Variants in RAB7A observed in about 807,000 individuals in gnomAD.
RAB7A encodes the protein RAB7A, member RAS oncogene family.
A neutral mutation model predicts 24.5 loss-of-function variants in RAB7A; 2 were observed. The observed-to-expected ratio is 0.08, with a 90% confidence interval of 0.03 to 0.26. The LOEUF is 0.26. Ranked by LOEUF, RAB7A falls within the 10% of genes least tolerant of loss-of-function variation. The pLI is 1.00. For synonymous variants in RAB7A, 100 were observed against 95.9 expected, an observed-to-expected ratio of 1.04 and a Z score of -0.25; for missense variants, 118 against 255.7, an observed-to-expected ratio of 0.46 and a Z score of 3.67.
intron 1 of RAB7A, among the ~76,000 whole-genome samples, chr3:128,787,424 C>T (rs558548380): frequency 6.6e-6 from 1 of 152,250 alleles, no homozygotes; most frequent in East Asian, 1.9e-4. Context: ...CCATAAAAGA[C>T]TTGTTAAAAG....
chr3:128,734,328 G>T (rs1006678227), intron 1 of RAB7A, among the ~76,000 whole-genome samples: 1 of 151,948 alleles, frequency 6.6e-6, no homozygotes, highest in East Asian at 1.9e-4. Context: ...CTACTTGGGA[G>T]GCTGAGACAT....
At chr3:128,767,147 G>A (rs1371073172) in intron 1 of RAB7A, among the ~76,000 whole-genome samples, 1 of 152,124 alleles carries the variant, frequency 6.6e-6, no homozygotes, top group Non-Finnish European at 1.5e-5. Context: ...AATCCGAGTG[G>A]CTCAGCCTCT....
chr3:128,755,560 A>G (rs1277156060), intron 1 of RAB7A, among the ~76,000 whole-genome samples: 1 of 152,220 alleles, frequency 6.6e-6, no homozygotes, highest in African/African-American at 2.4e-5. Context: ...GAAAAGACTA[A>G]CAAAATTGAC....
chr3:128,789,791 CTTT>C (rs1214389169), intron 1 of RAB7A, among the ~76,000 whole-genome samples: 4 of 133,444 alleles, frequency 3.0e-5, no homozygotes. Context: ...TTGTTCCTGG[CTTT>C]TTTTTTTTTT....
chr3:128,745,064 CAG>C (rs2070597623), intron 1 of RAB7A, among the ~76,000 whole-genome samples: 1 of 151,880 alleles, frequency 6.6e-6, no homozygotes, highest in South Asian at 2.1e-4. Flanking sequence ...TTAGTAGAGA[CAG>C]GGTTTCACTG....
chr3:128,796,470 G>A (rs1933579957), intron 2 of RAB7A, among the ~76,000 whole-genome samples: 1 of 152,188 alleles, frequency 6.6e-6, no homozygotes, highest in Non-Finnish European at 1.5e-5. Flanking sequence ...AAAAGATTCT[G>A]TGGTAGGCTT....
chr3:128,754,421 C>T (rs903570534), intron 1 of RAB7A, among the ~76,000 whole-genome samples: 8 of 151,916 alleles, frequency 5.3e-5, no homozygotes, highest in African/African-American at 1.9e-4. Context: ...GTAGGATATA[C>T]ACAAAAGGAA....
intron 1 of RAB7A, among the ~76,000 whole-genome samples, chr3:128,740,224 TACA>T (rs1477016832): frequency 6.7e-6 from 1 of 149,192 alleles, no homozygotes; most frequent in Non-Finnish European, 1.5e-5. Context: ...CTAAAACAAA[TACA>T]ACAATTAGCT....
intron 1 of RAB7A, among the ~76,000 whole-genome samples, chr3:128,792,146 C>T (rs1055590617): frequency 2.6e-5 from 4 of 152,188 alleles, no homozygotes; most frequent in African/African-American, 9.7e-5. Flanking sequence ...GGTGGTCTCA[C>T]GGTCACTGCT....
chr3:128,758,262 GTTTGTTTT>G (rs998893610), intron 1 of RAB7A, among the ~76,000 whole-genome samples: 3 of 141,712 alleles, frequency 2.1e-5, no homozygotes, highest in African/African-American at 5.3e-5. Flanking sequence ...CCACCCCAGT[GTTTGTTTT>G]TTTGTTTTTT....
chr3:128,804,349 C>A (rs532503337), intron 3 of RAB7A, among the ~76,000 whole-genome samples: 3 of 152,344 alleles, frequency 2.0e-5, no homozygotes, highest in African/African-American at 7.2e-5. Flanking sequence ...AACTCCCACA[C>A]TGCTTTCAGA....
In RAB7A at chr3:128,742,987, G is replaced by A. The variant is rs370581643; in HGVS notation, c.-9+16628G>A. Among the ~76,000 whole-genome samples, 39 of 152,340 alleles carry A rather than the reference G, an allele frequency of 2.6e-4. 1 individual carries two copies. The highest frequency in any genetic ancestry group is 1.5e-3 in the East Asian group (8 of 5,168). On this transcript the variant is annotated intron_variant, in intron 1 of 5. Transcript: ENST00000265062. Reference sequence around the variant, plus strand: ...CGCTGCAGAGCAGGGGGCGGTGCCCGTCGGGGAGGCTCGGGCTTCACGGGA... The same window carrying A: ...CGCTGCAGAGCAGGGGGCGGTGCCCATCGGGGAGGCTCGGGCTTCACGGGA...
chr3:128,776,975 CA>C (rs1311841261), intron 1 of RAB7A, among the ~76,000 whole-genome samples: 4 of 151,946 alleles, frequency 2.6e-5, no homozygotes, highest in Non-Finnish European at 5.9e-5. Context: ...CACACACACA[CA>C]CACACACACA....
At chr3:128,788,246 C>G (rs973982107) in intron 1 of RAB7A, among the ~76,000 whole-genome samples, 3 of 152,088 alleles carry the variant, frequency 2.0e-5, no homozygotes, top group African/African-American at 7.2e-5. Flanking sequence ...TTTGGTTATG[C>G]CACAGAGAAG....
At chr3:128,811,365 T>C (rs900867935) in intron 5 of RAB7A, among the ~76,000 whole-genome samples, 5 of 152,170 alleles carry the variant, frequency 3.3e-5, no homozygotes, top group African/African-American at 9.7e-5. Context: ...TGTCACTATT[T>C]GTAATAGCCA....
chr3:128,764,887 C>T (rs978954514), intron 1 of RAB7A: 249 of 1,408,846 alleles, frequency 1.8e-4, no homozygotes, highest in Non-Finnish European at 2.2e-4. Context: ...CACATCATCG[C>T]GGTCAAAGTT....
chr3:128,739,130 G>A (rs1451297665), intron 1 of RAB7A, among the ~76,000 whole-genome samples: 4 of 152,140 alleles, frequency 2.6e-5, no homozygotes, highest in African/African-American at 4.8e-5. Context: ...TTGCCCATTC[G>A]TTTCTGAGAG....
At chr3:128,809,936 CT>C (rs869119619) in intron 5 of RAB7A, among the ~76,000 whole-genome samples, 587 of 52,256 alleles carry the variant, frequency 0.011, 18 homozygotes, top group African/African-American at 0.04. Context: ...TTGCCACAGT[CT>C]TTTTTTTTTT....
At chr3:128,743,445 C>T (rs1481724247) in intron 1 of RAB7A, among the ~76,000 whole-genome samples, 4 of 152,356 alleles carry the variant, frequency 2.6e-5, no homozygotes, top group Non-Finnish European at 5.9e-5. Flanking sequence ...GTGCTGAGAG[C>T]GAGCAAGGGC....
Sources: allele counts gnomAD v4.1 joint callset (sites outside exome capture counted in the v4.1 genomes callset), GRCh38; gene constraint gnomAD v4.1.1; transcripts MANE v1.5; gene names NCBI Gene and HGNC (gene_info 2026-07-23, HGNC 2026-07-21).